The following MBD5 variants were observed in gnomAD, a reference collection of about 807,000 sequenced individuals.
MBD5 encodes the protein methyl-CpG-binding domain protein 5.
Under a neutral mutation model 117.3 loss-of-function variants are expected in MBD5, and 13 were observed. That is an observed-to-expected ratio of 0.11 (90% CI 0.07 to 0.18). The LOEUF (loss-of-function observed/expected upper bound fraction) is 0.18, where lower values mean the gene tolerates loss of function less well. Among genes scored for constraint, MBD5 ranks in the 10% least tolerant of loss-of-function variants. The probability of loss-of-function intolerance (pLI) is 1.00; values close to 1 mark genes in which losing one functional copy is unlikely to be tolerated. For synonymous variants in MBD5, 727 were observed against 766.4 expected (o/e 0.95, Z 0.85); for missense variants, 1,879 against 2,093.8 (o/e 0.90, Z 2.00).
chr2:148,438,364 G>T (rs1248283332), intron 4 of MBD5, among the ~76,000 whole-genome samples: 1 of 152,144 alleles, frequency 6.6e-6, no homozygotes, highest in Non-Finnish European at 1.5e-5. Context: ...TCTGGTTACT[G>T]CTCAGACATT....
At chr2:148,415,265 C>CT (rs948203267) in intron 4 of MBD5, among the ~76,000 whole-genome samples, 21 of 152,030 alleles carry the variant, frequency 1.4e-4, no homozygotes, top group African/African-American at 4.8e-4. Flanking sequence ...CTTGGAATTT[C>CT]TTTTTTTTAA....
intron 7 of MBD5, among the ~76,000 whole-genome samples, chr2:148,466,873 C>T (rs1347601575): frequency 6.6e-6 from 1 of 152,096 alleles, no homozygotes; most frequent in African/African-American, 2.4e-5. Flanking sequence ...TATTTGGACC[C>T]CAGGTTGAGA....
intron 4 of MBD5, among the ~76,000 whole-genome samples, chr2:148,380,565 T>TTA (rs1177792853): frequency 1.3e-5 from 2 of 151,926 alleles, no homozygotes; most frequent in Non-Finnish European, 2.9e-5. Context: ...CATGTAAAAT[T>TTA]TATATATATA....
intron 1 of MBD5, among the ~76,000 whole-genome samples, chr2:148,159,775 C>A (rs77591217): frequency 0.012 from 1,867 of 152,260 alleles, 44 homozygotes; most frequent in African/African-American, 0.042. Context: ...CAGGTACTAA[C>A]CCTTTCAATC....
chr2:148,216,699 A>G (rs1699564492), intron 2 of MBD5, among the ~76,000 whole-genome samples: 1 of 152,168 alleles, frequency 6.6e-6, no homozygotes, highest in Non-Finnish European at 1.5e-5. Context: ...ATGAGGAAAA[A>G]CAAGATCAGA....
At chr2:148,021,806 G>T (rs900922094) in intron 1 of MBD5, 122 bp downstream of exon 1, 3 of 208,958 alleles carry the variant, frequency 1.4e-5, no homozygotes, top group South Asian at 6.1e-5. Context: ...GGTGCTGGGG[G>T]GGGTGAAGGA....
chr2:148,083,562 G>T (rs185353399), intron 1 of MBD5, among the ~76,000 whole-genome samples: 1 of 151,888 alleles, frequency 6.6e-6, no homozygotes, highest in Non-Finnish European at 1.5e-5. Flanking sequence ...ATAGAGGATC[G>T]CAATCAAGGT....
intron 1 of MBD5, among the ~76,000 whole-genome samples, chr2:148,052,350 A>T (rs971125756): frequency 1.3e-5 from 2 of 151,428 alleles, no homozygotes; most frequent in African/African-American, 4.9e-5. Context: ...TGCTGGGATT[A>T]CAGGCATGTG....
At chr2:148,339,106 A>G (rs184853270) in intron 3 of MBD5, among the ~76,000 whole-genome samples, 12 of 152,212 alleles carry the variant, frequency 7.9e-5, no homozygotes, top group African/African-American at 2.9e-4. Flanking sequence ...CGTGCCTATC[A>G]GGTCTCTGTG....
Position 148,505,350 on chromosome 2 carries a change from C to T in MBD5, c.5036+2841C>T, listed in dbSNP as rs571508118. On this transcript the variant is annotated intron_variant, in intron 12 of 13. Coordinates refer to ENST00000642680, the MANE Select transcript of MBD5 (RefSeq NM_001378120.1). ...GTATTTGACAGTATACAAATGACTG[C>T]AGTCACACAAAGATACTTTGACCAA... Among the ~76,000 whole-genome samples the T allele has an allele frequency of 5.3e-5, 8 of 152,180 alleles. No homozygotes were observed. In the South Asian group the frequency reaches 1.2e-3, roughly 24 times the overall value.
At chr2:148,320,258 G>A (rs1019416319) in intron 3 of MBD5, among the ~76,000 whole-genome samples, 2 of 152,166 alleles carry the variant, frequency 1.3e-5, no homozygotes, top group African/African-American at 4.8e-5. Flanking sequence ...CATAGAATGA[G>A]TTAGATAGAA....
chr2:148,320,481 G>A (rs944852092), intron 3 of MBD5, among the ~76,000 whole-genome samples: 1 of 152,092 alleles, frequency 6.6e-6, no homozygotes, highest in African/African-American at 2.4e-5. Context: ...ACCCTCCCAA[G>A]TAGCTGGGAC....
intron 4 of MBD5, among the ~76,000 whole-genome samples, chr2:148,385,477 T>C (rs1704322444): frequency 1.3e-5 from 2 of 152,134 alleles, no homozygotes; most frequent in South Asian, 4.2e-4. Flanking sequence ...CTGGAGAGGA[T>C]GTGGAGAAAT....
rs59672002 is a variant in MBD5, at chr2:148,045,974, C to CTT, written c.-925+24317_-925+24318dup. ...TGTTAGTATTGTCTTAATGAAGTGC[C>CTT]TTTTTTTTTTTTTTTTTTTTTTTTT... On this transcript the variant is annotated intron_variant, in intron 1 of 13. Transcript: ENST00000642680. Among the ~76,000 whole-genome samples, 97 of 77,484 alleles carry CTT rather than the reference C, an allele frequency of 1.3e-3. 10 individuals are homozygous for CTT. Among genetic ancestry groups the CTT allele is most frequent in the East Asian group, 5.1e-3 (12 of 2,360 alleles). 50.8% of individuals were successfully genotyped at this position (77,484 alleles called of 152,430 possible).
chr2:148,048,574 C>G (rs1458692858), intron 1 of MBD5, among the ~76,000 whole-genome samples: 1 of 152,002 alleles, frequency 6.6e-6, no homozygotes, highest in East Asian at 1.9e-4. Flanking sequence ...GAGCACTGAC[C>G]TGAAGAATGA....
intron 1 of MBD5, among the ~76,000 whole-genome samples, chr2:148,150,382 C>T (rs1217597780): frequency 3.3e-5 from 5 of 151,672 alleles, no homozygotes; most frequent in African/African-American, 1.2e-4. Flanking sequence ...TGTGATGCCT[C>T]CAGCTTTGTT....
intron 2 of MBD5, among the ~76,000 whole-genome samples, chr2:148,230,089 A>C: frequency 6.6e-6 from 1 of 152,132 alleles, no homozygotes; most frequent in East Asian, 1.9e-4. Context: ...AGGGCTCAAC[A>C]ATCAGCAGGT....
intron 1 of MBD5, among the ~76,000 whole-genome samples, chr2:148,053,325 T>C (rs114543138): frequency 0.042 from 6,424 of 152,278 alleles, 222 homozygotes; most frequent in Middle Eastern, 0.15. Context: ...CAAAATACTT[T>C]AGCATTTACA....
intron 1 of MBD5, among the ~76,000 whole-genome samples, chr2:148,080,578 C>T (rs1373922693): frequency 6.6e-6 from 1 of 151,946 alleles, no homozygotes; most frequent in East Asian, 1.9e-4. Context: ...AATTTAAAGA[C>T]TAGTTAGGTT....
Sources: gnomAD v4.1 joint callset for allele counts (sites outside exome capture counted in the v4.1 genomes callset) on GRCh38, gnomAD v4.1.1 for gene constraint, MANE v1.5 for transcripts, NCBI Gene and HGNC (gene_info 2026-07-23, HGNC 2026-07-21) for gene names.